The following TMEM150C variants were observed in gnomAD, a reference collection of about 807,000 sequenced individuals.
The protein encoded by TMEM150C is transmembrane protein 150C.
In TMEM150C, 10 loss-of-function variants were observed where a neutral mutation model predicts 29.9. The observed-to-expected ratio is 0.33, with a 90% confidence interval of 0.21 to 0.57. The LOEUF (loss-of-function observed/expected upper bound fraction) is 0.57, where lower values mean the gene tolerates loss of function less well. TMEM150C is among the 20% of genes least tolerant of loss of function. TMEM150C has a pLI of 0.88. For synonymous variants in TMEM150C, 101 were observed against 112.5 expected, an observed-to-expected ratio of 0.90 and a Z score of 0.64; for missense variants, 251 against 303.6, an observed-to-expected ratio of 0.83 and a Z score of 1.29.
intron 1 of TMEM150C, among the ~76,000 whole-genome samples, chr4:82,519,565 C>T (rs1207269451): frequency 2.0e-5 from 3 of 151,904 alleles, no homozygotes; most frequent in Admixed American, 2.0e-4. Flanking sequence ...TAGCTGGGAT[C>T]ACAGGCACGT....
chr4:82,555,334 T>G (rs1725704331), intron 1 of TMEM150C, among the ~76,000 whole-genome samples: 1 of 152,210 alleles, frequency 6.6e-6, no homozygotes, highest in African/African-American at 2.4e-5. Context: ...AGACCATTTG[T>G]CACTATCTGC....
intron 6 of TMEM150C, chr4:82,490,920 T>C (rs959073597): frequency 8.3e-6 from 6 of 718,856 alleles, no homozygotes; most frequent in Non-Finnish European, 1.3e-5. Flanking sequence ...TCCCCAGTGA[T>C]GGCGGATCTC....
At chr4:82,505,874 ACT>A (rs1489479773) in intron 1 of TMEM150C, among the ~76,000 whole-genome samples, 6 of 152,194 alleles carry the variant, frequency 3.9e-5, no homozygotes, top group Admixed American at 3.9e-4. Flanking sequence ...AATAACTATC[ACT>A]TTATGCCTTA....
intron 1 of TMEM150C, among the ~76,000 whole-genome samples, chr4:82,522,356 GCC>G (rs920624299): frequency 1.8e-4 from 27 of 152,158 alleles, no homozygotes; most frequent in African/African-American, 6.3e-4. Context: ...CCAATAACAC[GCC>G]ACAGAACACA....
intron 1 of TMEM150C, among the ~76,000 whole-genome samples, chr4:82,527,549 C>G (rs924590059): frequency 3.9e-5 from 6 of 152,146 alleles, no homozygotes; most frequent in Non-Finnish European, 5.9e-5. Flanking sequence ...CGAGGGCTGA[C>G]CGGGTTCCAG....
chr4:82,514,147 A>G (rs757254211), intron 1 of TMEM150C, among the ~76,000 whole-genome samples: 4 of 152,212 alleles, frequency 2.6e-5, no homozygotes, highest in South Asian at 2.1e-4. Context: ...GGACACCAAG[A>G]GCATGAGCAA....
At chr4:82,513,889 T>C (rs2110075112) in intron 1 of TMEM150C, among the ~76,000 whole-genome samples, 1 of 152,086 alleles carries the variant, frequency 6.6e-6, no homozygotes, top group South Asian at 2.1e-4. Flanking sequence ...GGAAAGAAGG[T>C]TGGGAGAGAA....
intron 1 of TMEM150C, among the ~76,000 whole-genome samples, chr4:82,528,894 C>T (rs116253167): frequency 0.024 from 3,692 of 152,194 alleles, 150 homozygotes; most frequent in African/African-American, 0.084. Flanking sequence ...TTGGATGCAT[C>T]AAGTTTTATG....
At chr4:82,516,757 C>A (rs1256197010) in intron 1 of TMEM150C, among the ~76,000 whole-genome samples, 1 of 152,198 alleles carries the variant, frequency 6.6e-6, no homozygotes, top group Non-Finnish European at 1.5e-5. Context: ...GTAGAATATG[C>A]TTTTAATGTC....
chr4:82,497,419 G>A (rs1009265856), intron 5 of TMEM150C, among the ~76,000 whole-genome samples: 1 of 152,134 alleles, frequency 6.6e-6, no homozygotes, highest in South Asian at 2.1e-4. Flanking sequence ...GCCATTATTA[G>A]TAGACATTAA....
At chr4:82,527,023 T>TC (rs1724676965) in intron 1 of TMEM150C, among the ~76,000 whole-genome samples, 1 of 145,408 alleles carries the variant, frequency 6.9e-6, no homozygotes, top group Admixed American at 6.8e-5. Context: ...CTGGGTCTTT[T>TC]TTTTTTTTTT....
rs1463925143 is a variant in TMEM150C at position 82,502,875 on chromosome 4, G to A, written c.167+20C>T. 3 of 1,597,330 alleles carry A rather than the reference G, an allele frequency of 1.9e-6. No individual in the cohort carries two copies. The highest frequency in any genetic ancestry group is 2.6e-6 in the Non-Finnish European group (3 of 1,171,242). The stretch of plus-strand genomic sequence containing the variant: ...ACTTTTCCTACGGTCCCACAGGACA[G>A]AAGAGAATTGCTGGGTTACCTTATA... On this transcript the variant is annotated intron_variant, in intron 4 of 7. Transcript: ENST00000449862.
chr4:82,561,572 GC>G (rs1260080434), intron 1 of TMEM150C, among the ~76,000 whole-genome samples: 2 of 150,424 alleles, frequency 1.3e-5, no homozygotes, highest in Non-Finnish European at 3.0e-5. Context: ...GGCCGGGGCC[GC>G]AGCGGGCGGG....
At position 82,537,199 on chromosome 4, in the gene TMEM150C, A is replaced by C. The variant is rs559075963; in HGVS notation, c.-11+24707T>G. ...ATGGGGTTTCACTGTGTTAGCCAGG[A>C]TGGTCTCGATCTCCTGACCTTGTGA... On this transcript the variant is annotated intron_variant, in intron 1 of 7. Coordinates refer to ENST00000449862, the MANE Select transcript of TMEM150C (RefSeq NM_001080506.3). Among the ~76,000 whole-genome samples the C allele has an allele frequency of 4.6e-5, 7 of 152,104 alleles. No individual in the cohort carries two copies. In the South Asian group the frequency reaches 1.5e-3, roughly 32 times the overall value.
chr4:82,556,262 G>A (rs1333138752), intron 1 of TMEM150C, among the ~76,000 whole-genome samples: 1 of 152,184 alleles, frequency 6.6e-6, no homozygotes, highest in African/African-American at 2.4e-5. Context: ...ACAGGCGTGA[G>A]CCAACGTGCC....
chr4:82,534,669 C>T (rs926063444), intron 1 of TMEM150C, among the ~76,000 whole-genome samples: 3 of 152,092 alleles, frequency 2.0e-5, no homozygotes, highest in Non-Finnish European at 4.4e-5. Context: ...TACAGATGCC[C>T]ATCTTATAGA....
chr4:82,550,032 G>A (rs1725517082), intron 1 of TMEM150C, among the ~76,000 whole-genome samples: 2 of 152,138 alleles, frequency 1.3e-5, no homozygotes, highest in African/African-American at 4.8e-5. Context: ...GAGGAAAGGA[G>A]GTTGATATGG....
At chr4:82,560,540 A>G (rs1725887043) in intron 1 of TMEM150C, among the ~76,000 whole-genome samples, 1 of 152,226 alleles carries the variant, frequency 6.6e-6, no homozygotes, top group South Asian at 2.1e-4. Flanking sequence ...TTAATCCTGG[A>G]AACATGGAGT....
At chr4:82,516,184 T>G (rs1297893382) in intron 1 of TMEM150C, among the ~76,000 whole-genome samples, 1 of 152,096 alleles carries the variant, frequency 6.6e-6, no homozygotes, top group African/African-American at 2.4e-5. Flanking sequence ...GAATCTTATG[T>G]GGCTAATGGT....
Sources: allele counts gnomAD v4.1 joint callset (sites outside exome capture counted in the v4.1 genomes callset), GRCh38; gene constraint gnomAD v4.1.1; transcripts MANE v1.5; gene names NCBI Gene and HGNC (gene_info 2026-07-23, HGNC 2026-07-21).